DOCK7: variants seen among roughly 807,000 people sequenced by gnomAD.
DOCK7 encodes dedicator of cytokinesis 7.
A neutral mutation model predicts 271.0 loss-of-function variants in DOCK7; 138 were observed. The ratio of observed to expected loss-of-function variants is 0.51; its 90% CI spans 0.44 to 0.59. The LOEUF (loss-of-function observed/expected upper bound fraction) is 0.59. Ranked by LOEUF, DOCK7 falls within the 20% of genes least tolerant of loss-of-function variation. The pLI is 0.00. For synonymous variants in DOCK7, 823 were observed against 876.1 expected, an observed-to-expected ratio of 0.94 and a Z score of 1.07; for missense variants, 2,066 against 2,592.4, an observed-to-expected ratio of 0.80 and a Z score of 4.41.
At chr1:62,542,347 C>T (rs1315202095) in intron 25 of DOCK7, among the ~76,000 whole-genome samples, 1 of 152,058 alleles carries the variant, frequency 6.6e-6, no homozygotes, top group Non-Finnish European at 1.5e-5. Flanking sequence ...TCACAAGTTT[C>T]CTTTGAAAAT....
intron 44 of DOCK7, among the ~76,000 whole-genome samples, chr1:62,477,412 G>A (rs1645998302): frequency 6.6e-6 from 1 of 152,062 alleles, no homozygotes; most frequent in African/African-American, 2.4e-5. Context: ...CAAAATGTGG[G>A]ATTATACTAT....
chr1:62,647,928 T>G (rs1656873618), intron 6 of DOCK7, 152 bp from the exon 7 acceptor site: 1 of 821,140 alleles, frequency 1.2e-6, no homozygotes, highest in African/African-American at 1.7e-5. Flanking sequence ...AGAAGTCATT[T>G]GATTATAACT....
intron 7 of DOCK7, among the ~76,000 whole-genome samples, chr1:62,639,340 A>C (rs1232520369): frequency 6.6e-6 from 1 of 152,096 alleles, no homozygotes. Flanking sequence ...CCAGCCTAGG[A>C]AACACAGCAA....
chr1:62,466,379 C>T (rs1645677652), intron 48 of DOCK7, among the ~76,000 whole-genome samples: 1 of 152,318 alleles, frequency 6.6e-6, no homozygotes, highest in Middle Eastern at 3.4e-3. Flanking sequence ...ATAATCAAGA[C>T]TGCCCTTACT....
chr1:62,674,790 C>T (rs1231191334), intron 1 of DOCK7, among the ~76,000 whole-genome samples: 1 of 152,090 alleles, frequency 6.6e-6, no homozygotes, highest in African/African-American at 2.4e-5. Context: ...TCAAACCATG[C>T]ATAAAAACTA....
chr1:62,495,486 A>G (rs1341365043), intron 39 of DOCK7, 95 bp downstream of exon 39: 4 of 759,870 alleles, frequency 5.3e-6, no homozygotes, highest in Non-Finnish European at 7.6e-6. Context: ...AAAAATCACA[A>G]ATCATTTTTG....
chr1:62,533,777 T>C (rs548137222), intron 29 of DOCK7, among the ~76,000 whole-genome samples: 26 of 152,340 alleles, frequency 1.7e-4, no homozygotes, highest in African/African-American at 6.0e-4. Context: ...TGCTAAGAAC[T>C]TGACATACCT....
chr1:62,661,804 T>A (rs1658693981), intron 2 of DOCK7, among the ~76,000 whole-genome samples: 1 of 152,136 alleles, frequency 6.6e-6, no homozygotes, highest in South Asian at 2.1e-4. Context: ...TAGTTATTCA[T>A]AATGACAAAA....
chr1:62,654,452 AAAGTACTCACTGG>A (rs1657747361), intron 2 of DOCK7, among the ~76,000 whole-genome samples: 1 of 152,222 alleles, frequency 6.6e-6, no homozygotes, highest in Non-Finnish European at 1.5e-5. Context: ...TATAGTTTAC[AAAGTACTCACTGG>A]AAGGATTATT....
At chr1:62,672,631 G>C (rs1266862826) in intron 1 of DOCK7, among the ~76,000 whole-genome samples, 1 of 152,114 alleles carries the variant, frequency 6.6e-6, no homozygotes, top group East Asian at 1.9e-4. Context: ...TAAGTTCTAT[G>C]AGGCAGAGAT....
chr1:62,521,000 G>A (rs977228205), intron 31 of DOCK7, among the ~76,000 whole-genome samples: 1 of 150,550 alleles, frequency 6.6e-6, no homozygotes, highest in African/African-American at 2.4e-5. Flanking sequence ...ACTAACACAG[G>A]AACAGAAAAC....
At chr1:62,651,417 T>G (rs1176249951) in intron 4 of DOCK7, among the ~76,000 whole-genome samples, 1 of 148,872 alleles carries the variant, frequency 6.7e-6, no homozygotes, top group Non-Finnish European at 1.5e-5. Flanking sequence ...ACCTGCAAGT[T>G]GTGCACATGT....
At chr1:62,498,710 T>G (rs911455952) in intron 37 of DOCK7, among the ~76,000 whole-genome samples, 3 of 151,886 alleles carry the variant, frequency 2.0e-5, no homozygotes, top group Admixed American at 2.0e-4. Context: ...CAAGACACAG[T>G]TCCATATTTT....
intron 2 of DOCK7, among the ~76,000 whole-genome samples, chr1:62,659,362 A>C (rs1226184998): frequency 6.6e-6 from 1 of 152,198 alleles, no homozygotes; most frequent in African/African-American, 2.4e-5. Flanking sequence ...CATGGATATA[A>C]CACAATACCT....
chr1:62,585,054 T>C (rs562635819), intron 15 of DOCK7, among the ~76,000 whole-genome samples: 2 of 152,300 alleles, frequency 1.3e-5, no homozygotes, highest in East Asian at 3.9e-4. Context: ...TCAACTATCA[T>C]AGTACATTCA....
At chr1:62,610,264 T>C (rs1651596537) in intron 14 of DOCK7, among the ~76,000 whole-genome samples, 1 of 152,088 alleles carries the variant, frequency 6.6e-6, no homozygotes, top group Non-Finnish European at 1.5e-5. Flanking sequence ...TTGAGACATC[T>C]ATGAACTCTA....
chr1:62,648,394 A>AT (rs768726122), intron 5 of DOCK7, 21 bp downstream of exon 5: 3 of 1,475,394 alleles, frequency 2.0e-6, no homozygotes, highest in Non-Finnish European at 2.7e-6. Flanking sequence ...TCTTATAGTT[A>AT]TTTAAGAATA....
rs1297706089 is a variant in DOCK7, at chr1:62,475,757, G to T, written c.5911C>A (p.His1971Asn). 6.2e-7 allele frequency: 1 copy of T among 1,614,050 alleles called. No individual in the cohort carries two copies. The highest frequency in any genetic ancestry group is 1.7e-5 in the Admixed American group (1 of 60,022). Residue 1971 changes from histidine to asparagine, a missense_variant, in exon 46 of 50, where the codon CAT (histidine) becomes AAT (asparagine). His to Asn is a moderately conservative substitution (Grantham distance 68). Coordinates refer to ENST00000635253, the MANE Select transcript of DOCK7 (RefSeq NM_001367561.1). ...FKRKTILTTS[H>N]AFPYIKTRVN... Reference sequence around the variant, plus strand: ...CTTGTTTTAATATAAGGAAAGGCATGAGACGTAGTCAGAATGGTCTTCCTT... The same window carrying T: ...CTTGTTTTAATATAAGGAAAGGCATTAGACGTAGTCAGAATGGTCTTCCTT...
At chr1:62,512,968 C>T (rs148338298) in intron 33 of DOCK7, among the ~76,000 whole-genome samples, 3 of 151,442 alleles carry the variant, frequency 2.0e-5, no homozygotes, top group East Asian at 1.9e-4. Flanking sequence ...ATGTAAACTG[C>T]GGACTCTGGG....
Sources: allele counts gnomAD v4.1 joint callset (sites outside exome capture counted in the v4.1 genomes callset), GRCh38; gene constraint gnomAD v4.1.1; transcripts MANE v1.5; gene names NCBI Gene and HGNC (gene_info 2026-07-23, HGNC 2026-07-21).